The following DTWD2 variants were observed in gnomAD, a reference collection of about 807,000 sequenced individuals.
The protein encoded by DTWD2 is tRNA-uridine aminocarboxypropyltransferase 2.
In DTWD2, 39 loss-of-function variants were observed where a neutral mutation model predicts 31.8. That is an observed-to-expected ratio of 1.22 (90% CI 0.95 to 1.60). The LOEUF (loss-of-function observed/expected upper bound fraction) is 1.60, where lower values mean the gene tolerates loss of function less well. Among genes scored for constraint, DTWD2 ranks in the 40% most tolerant of loss-of-function variants. DTWD2 has a pLI of 0.00. For missense variants in DTWD2, 515 were observed against 381.5 expected (o/e 1.35, Z -2.92); for synonymous variants, 180 against 142.8 (o/e 1.26, Z -1.86).
intron 4 of DTWD2, among the ~76,000 whole-genome samples, chr5:118,883,766 C>G (rs1432101232): frequency 2.0e-5 from 3 of 152,150 alleles, no homozygotes; most frequent in African/African-American, 7.2e-5. Flanking sequence ...GTCCCTCCCT[C>G]AACATATGGG....
chr5:118,979,835 T>G (rs114486756), intron 1 of DTWD2, among the ~76,000 whole-genome samples: 1 of 152,124 alleles, frequency 6.6e-6, no homozygotes, highest in Non-Finnish European at 1.5e-5. Context: ...ATAACACAAA[T>G]TGGGGCCTGT....
intron 1 of DTWD2, among the ~76,000 whole-genome samples, chr5:118,953,315 C>G (rs544114628): frequency 6.6e-6 from 1 of 152,172 alleles, no homozygotes; most frequent in South Asian, 2.1e-4. Flanking sequence ...CTACATCCTG[C>G]CCACTTACCC....
At chr5:118,988,158 T>C (rs1485473778) in intron 1 of DTWD2, 136 bp downstream of exon 1, 5 of 1,108,960 alleles carry the variant, frequency 4.5e-6, no homozygotes, top group East Asian at 2.6e-5. Context: ...ATTTCCGAGA[T>C]TTCCAACGTG....
chr5:118,954,427 G>A (rs763485619), intron 1 of DTWD2, among the ~76,000 whole-genome samples: 2 of 152,170 alleles, frequency 1.3e-5, no homozygotes, highest in African/African-American at 2.4e-5. Flanking sequence ...AAGCTACAGG[G>A]AGGCAAGGAC....
At chr5:118,934,177 G>A (rs761539167) in intron 3 of DTWD2, among the ~76,000 whole-genome samples, 1 of 139,720 alleles carries the variant, frequency 7.2e-6, no homozygotes, top group Non-Finnish European at 1.5e-5. Context: ...GCTCACATCT[G>A]TAATCCCAGC....
intron 4 of DTWD2, among the ~76,000 whole-genome samples, chr5:118,854,645 A>G (rs1178403176): frequency 1.3e-5 from 2 of 150,882 alleles, no homozygotes; most frequent in African/African-American, 4.8e-5. Flanking sequence ...AAAAGCAAAC[A>G]CACACAAAAA....
chr5:118,856,838 T>C (rs1752147014), intron 4 of DTWD2, among the ~76,000 whole-genome samples: 1 of 126,642 alleles, frequency 7.9e-6, no homozygotes, highest in Non-Finnish European at 1.6e-5. Context: ...AATGGCGCAA[T>C]CTCAGCTCAC....
intron 4 of DTWD2, among the ~76,000 whole-genome samples, chr5:118,856,401 T>A (rs538059212): frequency 2.0e-5 from 3 of 152,316 alleles, no homozygotes; most frequent in African/African-American, 7.2e-5. Flanking sequence ...TATGTATTCA[T>A]TGAAATATTT....
intron 4 of DTWD2, among the ~76,000 whole-genome samples, chr5:118,849,155 CA>C (rs1307549153): frequency 5.3e-5 from 8 of 152,130 alleles, no homozygotes; most frequent in African/African-American, 1.9e-4. Flanking sequence ...CCAGAATCTA[CA>C]AGGAACTTAC....
intron 4 of DTWD2, among the ~76,000 whole-genome samples, chr5:118,858,961 AT>A (rs1258310163): frequency 2.0e-5 from 3 of 152,152 alleles, no homozygotes; most frequent in African/African-American, 7.2e-5. Context: ...TGTGCTGAGT[AT>A]TTCCCATTGT....
At chr5:118,942,759 T>C (rs2149585430) in intron 2 of DTWD2, among the ~76,000 whole-genome samples, 1 of 152,140 alleles carries the variant, frequency 6.6e-6, no homozygotes. Context: ...ATACTGTGTA[T>C]ACTGCAAAAT....
intron 1 of DTWD2, chr5:118,974,243 C>T: frequency 1.2e-5 from 11 of 912,756 alleles, no homozygotes; most frequent in Non-Finnish European, 1.9e-5. Flanking sequence ...CGCCCGCCCA[C>T]CGTGGACAGT....
At chr5:118,942,045 A>G (rs1754215967) in intron 2 of DTWD2, among the ~76,000 whole-genome samples, 1 of 152,014 alleles carries the variant, frequency 6.6e-6, no homozygotes, top group African/African-American at 2.4e-5. Flanking sequence ...TTTCTTGTAA[A>G]TTTGTTTGAG....
At chr5:118,895,824 G>A (rs947216816) in intron 4 of DTWD2, among the ~76,000 whole-genome samples, 14 of 152,002 alleles carry the variant, frequency 9.2e-5, no homozygotes, top group African/African-American at 7.2e-5. Context: ...CAGAAGGATA[G>A]AACTATTATA....
chr5:118,913,131 AT>A, intron 4 of DTWD2, among the ~76,000 whole-genome samples: 1 of 152,190 alleles, frequency 6.6e-6, no homozygotes, highest in East Asian at 1.9e-4. Flanking sequence ...CCAAGGTCTG[AT>A]TGCAAAAATT....
chr5:118,923,811 T>C (rs1753754849), intron 4 of DTWD2, among the ~76,000 whole-genome samples: 1 of 152,202 alleles, frequency 6.6e-6, no homozygotes, highest in African/African-American at 2.4e-5. Flanking sequence ...TGCTGGTAAC[T>C]CAGGGTAACT....
At chr5:118,939,413 C>G (rs1376387759) in intron 2 of DTWD2, 123 bp from the exon 3 acceptor site, 2 of 815,918 alleles carry the variant, frequency 2.5e-6, no homozygotes, top group Non-Finnish European at 3.5e-6. Context: ...TTACTAAAGA[C>G]CACAGTTTAA....
intron 1 of DTWD2, among the ~76,000 whole-genome samples, chr5:118,979,030 C>A (rs192436657): frequency 6.6e-6 from 1 of 151,716 alleles, no homozygotes; most frequent in Non-Finnish European, 1.5e-5. Flanking sequence ...AGAGGCCAGG[C>A]GCGGTGGCTC....
At chr5:118,938,990 ATTAT>A (rs1299663570) in intron 3 of DTWD2, among the ~76,000 whole-genome samples, 4 of 151,834 alleles carry the variant, frequency 2.6e-5, no homozygotes, top group Non-Finnish European at 4.4e-5. Flanking sequence ...TTGCTTATAC[ATTAT>A]TTATTTTTTT....
Sources: allele counts gnomAD v4.1 joint callset (sites outside exome capture counted in the v4.1 genomes callset), GRCh38; gene constraint gnomAD v4.1.1; transcripts MANE v1.5; gene names NCBI Gene and HGNC (gene_info 2026-07-23, HGNC 2026-07-21).